The following ZFAT variants were observed in gnomAD, a reference collection of about 807,000 sequenced individuals.
The protein encoded by ZFAT is zinc finger protein ZFAT.
ZFAT carries 64 observed loss-of-function variants against 117.7 expected under a neutral mutation model. The ratio of observed to expected loss-of-function variants is 0.54; its 90% CI spans 0.44 to 0.67. The LOEUF is 0.67. ZFAT is among the 30% of genes least tolerant of loss of function. ZFAT has a pLI of 0.00. For missense variants in ZFAT, 1,433 were observed against 1,584.5 expected (o/e 0.90, Z 1.62); for synonymous variants, 679 against 615.0 (o/e 1.10, Z -1.54).
chr8:134,591,538 C>T (rs1282798457), intron 7 of ZFAT, among the ~76,000 whole-genome samples: 1 of 152,160 alleles, frequency 6.6e-6, no homozygotes, highest in Non-Finnish European at 1.5e-5. Context: ...GAATTCTATC[C>T]CCTAAAAAAT....
the ZFAT span, among the ~76,000 whole-genome samples, chr8:134,755,965 G>T: frequency 6.6e-6 from 1 of 152,156 alleles, no homozygotes; most frequent in East Asian, 1.9e-4. Context: ...CTGGCACATG[G>T]TAATTGTTCA....
chr8:134,572,561 C>T (rs1824999102), intron 10 of ZFAT, among the ~76,000 whole-genome samples: 1 of 152,214 alleles, frequency 6.6e-6, no homozygotes, highest in Admixed American at 6.5e-5. Context: ...CTCTTTCTGA[C>T]CAAGCATCTT....
chr8:134,521,888 C>A (rs947814257), intron 12 of ZFAT, among the ~76,000 whole-genome samples: 3 of 152,220 alleles, frequency 2.0e-5, no homozygotes, highest in Admixed American at 6.5e-5. Context: ...CACCAACATC[C>A]CCAACACCAC....
intron 10 of ZFAT, among the ~76,000 whole-genome samples, chr8:134,570,422 A>G (rs1824804613): frequency 6.6e-6 from 1 of 152,150 alleles, no homozygotes; most frequent in Non-Finnish European, 1.5e-5. Flanking sequence ...TTGCTGATTT[A>G]TAGTGTTTGT....
the ZFAT span, among the ~76,000 whole-genome samples, chr8:134,733,168 A>G: frequency 1.3e-5 from 2 of 152,226 alleles, no homozygotes; most frequent in Non-Finnish European, 2.9e-5. Context: ...GGTGAATTCA[A>G]TGAAAAAATC....
At chr8:134,512,014 G>A (rs184770187) in intron 14 of ZFAT, among the ~76,000 whole-genome samples, 20 of 152,290 alleles carry the variant, frequency 1.3e-4, no homozygotes, top group African/African-American at 4.1e-4. Context: ...TGTCCCTGAG[G>A]AAGCATGGAA....
intron 3 of ZFAT, among the ~76,000 whole-genome samples, chr8:134,617,779 C>G: frequency 6.6e-6 from 1 of 152,282 alleles, no homozygotes; most frequent in South Asian, 2.1e-4. Context: ...TCTGAGCTGC[C>G]GTAAACCACA....
chr8:134,598,382 TTGA>T (rs1394976468), intron 7 of ZFAT: 7 of 152,236 alleles, frequency 4.6e-5, no homozygotes, highest in African/African-American at 1.7e-4. Context: ...CATGTTCACA[TTGA>T]AGAGATAAGC....
intron 15 of ZFAT, among the ~76,000 whole-genome samples, chr8:134,493,771 C>T (rs921350622): frequency 5.3e-5 from 8 of 152,214 alleles, no homozygotes; most frequent in African/African-American, 1.9e-4. Context: ...AGCTCCCATG[C>T]ACTTAAGCTG....
chr8:134,612,056 C>G (rs1017247877), intron 3 of ZFAT, among the ~76,000 whole-genome samples: 1 of 152,206 alleles, frequency 6.6e-6, no homozygotes, highest in Non-Finnish European at 1.5e-5. Flanking sequence ...TTTGAGATCC[C>G]TAAGTGAGGA....
the ZFAT span, among the ~76,000 whole-genome samples, chr8:134,781,696 C>T: frequency 2.0e-5 from 3 of 152,106 alleles, no homozygotes; most frequent in African/African-American, 7.2e-5. Flanking sequence ...GCTTCTCCTG[C>T]CTCCTTTTCT....
chr8:134,739,266 C>G, the ZFAT span, among the ~76,000 whole-genome samples: 49,472 of 150,590 alleles, frequency 0.33, 8,381 homozygotes, highest in Non-Finnish European at 0.38. Context: ...TACAGAGAAG[C>G]ACTCAGTGGT....
the ZFAT span, chr8:134,798,124 A>G: frequency 6.6e-6 from 1 of 152,018 alleles, no homozygotes; most frequent in Non-Finnish European, 1.5e-5. Context: ...GAACCATAAC[A>G]TTTTCCTATT....
intron 9 of ZFAT, among the ~76,000 whole-genome samples, chr8:134,586,462 G>C (rs779673870): frequency 4.6e-5 from 7 of 152,176 alleles, no homozygotes; most frequent in Non-Finnish European, 7.3e-5. Context: ...CATCATACAT[G>C]GTGAGGGTGG....
At chr8:134,615,544 C>A (rs1389508965) in intron 3 of ZFAT, among the ~76,000 whole-genome samples, 1 of 152,134 alleles carries the variant, frequency 6.6e-6, no homozygotes, top group Non-Finnish European at 1.5e-5. Flanking sequence ...ACCCCACTAA[C>A]AAGCCCTTGG....
At chr8:134,532,779 G>A (rs1306162424) in intron 12 of ZFAT, 55 bp downstream of exon 12, 18 of 1,590,686 alleles carry the variant, frequency 1.1e-5, no homozygotes, top group Non-Finnish European at 1.0e-5. Flanking sequence ...TCCCAATGGG[G>A]GACTTGGCCT....
intron 10 of ZFAT, among the ~76,000 whole-genome samples, chr8:134,565,996 G>C (rs1824431913): frequency 1.3e-5 from 2 of 151,822 alleles, no homozygotes; most frequent in Non-Finnish European, 2.9e-5. Context: ...GCAAAGTGCA[G>C]GATCTGCGTT....
At chr8:134,633,883 A>G (rs1196128102) in intron 3 of ZFAT, among the ~76,000 whole-genome samples, 1 of 152,208 alleles carries the variant, frequency 6.6e-6, no homozygotes, top group Non-Finnish European at 1.5e-5. Context: ...CATCTCTACT[A>G]AAAATACAAA....
chr8:134,710,222 G>C (rs1224386887), intron 1 of ZFAT, among the ~76,000 whole-genome samples: 1 of 152,182 alleles, frequency 6.6e-6, no homozygotes, highest in Admixed American at 6.5e-5. Context: ...TATCAAAATG[G>C]AGTCACTCAT....
Sources: allele counts gnomAD v4.1 joint callset (sites outside exome capture counted in the v4.1 genomes callset), GRCh38; gene constraint gnomAD v4.1.1; transcripts MANE v1.5; gene names NCBI Gene and HGNC (gene_info 2026-07-23, HGNC 2026-07-21).